Variants in DROSHA observed in about 807,000 individuals in gnomAD.
The protein encoded by DROSHA is ribonuclease 3.
A neutral mutation model predicts 181.9 loss-of-function variants in DROSHA; 56 were observed. That is an observed-to-expected ratio of 0.31 (90% CI 0.25 to 0.38). The LOEUF (loss-of-function observed/expected upper bound fraction) is 0.38, where lower values mean the gene tolerates loss of function less well. DROSHA is among the 10% of genes least tolerant of loss of function. DROSHA has a pLI of 1.00. For missense variants in DROSHA, 1,218 were observed against 1,743.5 expected (o/e 0.70, Z 5.37); for synonymous variants, 524 against 591.2 (o/e 0.89, Z 1.65).
chr5:31,530,924 C>T lies in DROSHA; in HGVS notation c.-173G>A. The T allele has an allele frequency of 2.5e-6, 1 of 398,500 alleles. No individual in the cohort carries two copies. The allele number at this position is 398,500 out of a possible 1,614,324, so 24.7% of individuals were successfully genotyped here. ...TCCTTCACATCCCCGGGAAAAGCAACCTACACACAGTAGGTGGTCAATAAA... is the reference window on the plus strand; with the variant it reads ...TCCTTCACATCCCCGGGAAAAGCAATCTACACACAGTAGGTGGTCAATAAA... On this transcript the variant is annotated splice_region_variant and 5_prime_UTR_variant, in exon 3 of 36. Coordinates refer to ENST00000344624, the MANE Select transcript of DROSHA (RefSeq NM_001382508.1).
chr5:31,472,882 C>T (rs1749904826), intron 16 of DROSHA, among the ~76,000 whole-genome samples: 1 of 152,160 alleles, frequency 6.6e-6, no homozygotes, highest in African/African-American at 2.4e-5. Flanking sequence ...ATAAAAATAA[C>T]AAAGGGCATC....
At chr5:31,414,117 C>T (rs1741667632) in intron 30 of DROSHA, among the ~76,000 whole-genome samples, 1 of 152,092 alleles carries the variant, frequency 6.6e-6, no homozygotes, top group Admixed American at 6.5e-5. Flanking sequence ...AGAGCTGATG[C>T]AGTGAGGCTG....
rs1400889393 is a variant in DROSHA, at chr5:31,470,749, C to T, written c.2241+1314G>A. On this transcript the variant is annotated intron_variant, in intron 17 of 35. Transcript: ENST00000344624. The surrounding 1 kb of genome is among the most constrained non-coding windows in gnomAD (Gnocchi z 4.0). ...CAGCTGATTCTAGATTTCAGGAAAACGTAACTATACCATGGAAGGAAGTCC... is the reference window on the plus strand; with the variant it reads ...CAGCTGATTCTAGATTTCAGGAAAATGTAACTATACCATGGAAGGAAGTCC... 2.0e-5 allele frequency among the ~76,000 whole-genome samples: 3 copies of T among 151,842 alleles called. No individual in the cohort carries two copies. Among genetic ancestry groups the T allele is most frequent in the East Asian group, 1.9e-4 (1 of 5,172 alleles).
chr5:31,475,182 G>A (rs996552223), intron 16 of DROSHA, among the ~76,000 whole-genome samples: 1 of 152,132 alleles, frequency 6.6e-6, no homozygotes, highest in African/African-American at 2.4e-5. Flanking sequence ...GCCAGGCATG[G>A]TGGTACACAC....
intron 30 of DROSHA, among the ~76,000 whole-genome samples, chr5:31,420,237 C>A (rs1742504575): frequency 6.6e-6 from 1 of 152,198 alleles, no homozygotes; most frequent in Non-Finnish European, 1.5e-5. Context: ...GTTTGAAAGA[C>A]TTGTTATTTG....
At chr5:31,513,471 G>T (rs948182067) in intron 8 of DROSHA, among the ~76,000 whole-genome samples, 1 of 152,152 alleles carries the variant, frequency 6.6e-6, no homozygotes, top group Non-Finnish European at 1.5e-5. Flanking sequence ...GGTCAACTAA[G>T]ACAACATGAG....
intron 27 of DROSHA, among the ~76,000 whole-genome samples, chr5:31,426,137 G>C (rs1037151962): frequency 6.6e-6 from 1 of 151,660 alleles, no homozygotes; most frequent in Non-Finnish European, 1.5e-5. Flanking sequence ...ACCCATCTTG[G>C]TGTAATAGCA....
At chr5:31,437,424 C>A in intron 23 of DROSHA, 126 bp from the exon 24 acceptor site, 1 of 844,396 alleles carries the variant, frequency 1.2e-6, no homozygotes, top group Non-Finnish European at 1.8e-6. Flanking sequence ...TTCCCTATTC[C>A]TCATAATTAA....
intron 28 of DROSHA, chr5:31,423,447 A>G (rs1580034922): frequency 1.3e-5 from 2 of 153,182 alleles, no homozygotes; most frequent in East Asian, 1.9e-4. Context: ...AAACTACTGC[A>G]TTAAAGTAAT....
At chr5:31,446,089 C>A (rs559020525) in intron 23 of DROSHA, among the ~76,000 whole-genome samples, 9 of 152,186 alleles carry the variant, frequency 5.9e-5, no homozygotes, top group Admixed American at 5.2e-4. Flanking sequence ...GTCATAAAAC[C>A]AATACACAAA....
At chr5:31,442,582 T>C (rs1289813251) in intron 23 of DROSHA, among the ~76,000 whole-genome samples, 1 of 152,160 alleles carries the variant, frequency 6.6e-6, no homozygotes, top group Admixed American at 6.5e-5. Context: ...AGGAATTCAA[T>C]GCACTTTATA....
At chr5:31,467,867 G>T in intron 18 of DROSHA, 72 bp downstream of exon 18, 1 of 1,557,844 alleles carries the variant, frequency 6.4e-7, no homozygotes, top group East Asian at 2.3e-5. Flanking sequence ...TCCACTAAAG[G>T]GTATTTCTCT....
chr5:31,468,629 T>C (rs1349665436), intron 17 of DROSHA, among the ~76,000 whole-genome samples: 2 of 152,228 alleles, frequency 1.3e-5, no homozygotes, highest in Admixed American at 1.3e-4. Context: ...TTTTTCTTCA[T>C]GTCTAATAAA....
intron 25 of DROSHA, among the ~76,000 whole-genome samples, chr5:31,434,412 T>C (rs1050221569): frequency 2.8e-4 from 43 of 152,314 alleles, no homozygotes; most frequent in African/African-American, 8.9e-4. Flanking sequence ...CAGTTTTACA[T>C]AGAGTTGTGA....
chr5:31,466,020 T>A (rs1409487456), intron 19 of DROSHA, among the ~76,000 whole-genome samples, 162 bp downstream of exon 19: 1 of 152,198 alleles, frequency 6.6e-6, no homozygotes, highest in Non-Finnish European at 1.5e-5. Context: ...AAAGATTTTT[T>A]AAAATCAATT....
At chr5:31,412,762 T>C (rs1004665833) in intron 30 of DROSHA, among the ~76,000 whole-genome samples, 1 of 152,160 alleles carries the variant, frequency 6.6e-6, no homozygotes, top group Non-Finnish European at 1.5e-5. Flanking sequence ...GGCTAGCATA[T>C]AACATTAATA....
Position 31,517,068 on chromosome 5 carries a change from T to C in DROSHA, c.948-1504A>G, listed in dbSNP as rs532616895. Reference sequence around the variant, plus strand: ...TATGGTTATTTTTAATCTTTGCCATTCTGATGAAACAGTATTTTCATATAA... The same window carrying C: ...TATGGTTATTTTTAATCTTTGCCATCCTGATGAAACAGTATTTTCATATAA... On this transcript the variant is annotated intron_variant, in intron 6 of 35. Coordinates refer to ENST00000344624, the MANE Select transcript of DROSHA (RefSeq NM_001382508.1). 2.0e-5 allele frequency among the ~76,000 whole-genome samples: 3 copies of C among 152,338 alleles called. No individual in the cohort carries two copies. The East Asian group carries it at 5.8e-4, about 29-fold the overall frequency.
rs528531873 is a variant in DROSHA, at chr5:31,411,262, T to C, written c.3526-375A>G. On this transcript the variant is annotated intron_variant, in intron 30 of 35. Coordinates refer to ENST00000344624, the MANE Select transcript of DROSHA (RefSeq NM_001382508.1). This position sits in a 1 kb window ranked among gnomAD's most constrained non-coding sequence, Gnocchi z 4.2. Reference sequence around the variant, plus strand: ...ATTAAGAGTGTTAAAATCAATTTTATTAAAGTGTAACTTACATTCAATAAA... The same window carrying C: ...ATTAAGAGTGTTAAAATCAATTTTACTAAAGTGTAACTTACATTCAATAAA... Among the ~76,000 whole-genome samples, 16 of 152,328 alleles carry C rather than the reference T, an allele frequency of 1.1e-4. No homozygotes were observed. Among genetic ancestry groups the C allele is most frequent in the African/African-American group, 3.4e-4 (14 of 41,572 alleles).
chr5:31,493,585 A>AC (rs1752632599), intron 12 of DROSHA, among the ~76,000 whole-genome samples: 1 of 152,190 alleles, frequency 6.6e-6, no homozygotes, highest in South Asian at 2.1e-4. Flanking sequence ...TCACAATACT[A>AC]CCAGTTCTGT....
Sources: gnomAD v4.1 joint callset for allele counts (sites outside exome capture counted in the v4.1 genomes callset) on GRCh38, gnomAD v4.1.1 for gene constraint, Gnocchi (gnomAD v3.1) non-coding constraint, MANE v1.5 for transcripts, NCBI Gene and HGNC (gene_info 2026-07-23, HGNC 2026-07-21) for gene names.